WWOX: variants seen among roughly 807,000 people sequenced by gnomAD.
WWOX encodes WW domain containing oxidoreductase.
In WWOX, 69 loss-of-function variants were observed where a neutral mutation model predicts 46.2. The ratio of observed to expected loss-of-function variants is 1.49; its 90% CI spans 1.23 to 1.82. The LOEUF (loss-of-function observed/expected upper bound fraction) is 1.82, where lower values mean the gene tolerates loss of function less well. Among genes scored for constraint, WWOX ranks in the 40% most tolerant of loss-of-function variants. The pLI, the probability that WWOX is intolerant of heterozygous loss-of-function variation, is 0.00. For synonymous variants in WWOX, 359 were observed against 202.6 expected (o/e 1.77, Z -6.56); for missense variants, 919 against 542.6 (o/e 1.69, Z -6.89).
chr16:78,481,868 G>C (rs1372685505), intron 8 of WWOX, among the ~76,000 whole-genome samples: 2 of 151,920 alleles, frequency 1.3e-5, no homozygotes, highest in Non-Finnish European at 1.5e-5. Flanking sequence ...TCTTCTTGGG[G>C]CTGGAGCTTT....
chr16:78,600,371 G>A (rs973934844), intron 8 of WWOX, among the ~76,000 whole-genome samples: 5 of 152,202 alleles, frequency 3.3e-5, no homozygotes, highest in East Asian at 1.9e-4. Flanking sequence ...CCCAGATGAC[G>A]GAAACAGCCC....
At chr16:79,135,430 C>T (rs2049964544) in intron 8 of WWOX, among the ~76,000 whole-genome samples, 1 of 152,128 alleles carries the variant, frequency 6.6e-6, no homozygotes. Flanking sequence ...CCATCATTTA[C>T]TTATGTAATA....
intron 8 of WWOX, among the ~76,000 whole-genome samples, chr16:78,521,145 A>C (rs2043340179): frequency 6.6e-6 from 1 of 152,142 alleles, no homozygotes; most frequent in Admixed American, 6.5e-5. Flanking sequence ...TATATAACTT[A>C]ATTCTTCATT....
chr16:78,298,896 A>ATTAGGCCTT (rs2079990260), intron 5 of WWOX, among the ~76,000 whole-genome samples: 1 of 152,150 alleles, frequency 6.6e-6, no homozygotes, highest in African/African-American at 2.4e-5. Flanking sequence ...AGGCCTCAGT[A>ATTAGGCCTT]ACTGTTAGCT....
chr16:78,776,155 A>G (rs2050184625), intron 8 of WWOX, among the ~76,000 whole-genome samples: 1 of 152,242 alleles, frequency 6.6e-6, no homozygotes, highest in Non-Finnish European at 1.5e-5. Flanking sequence ...TTGGGCTAAA[A>G]AAATGATTCT....
chr16:78,159,799 C>T (rs1227042665), intron 4 of WWOX, among the ~76,000 whole-genome samples: 4 of 146,644 alleles, frequency 2.7e-5, no homozygotes, highest in African/African-American at 1.0e-4. Context: ...CTTTCAGTGT[C>T]TTGATTGTTT....
chr16:78,621,267 G>T (rs1428569079), intron 8 of WWOX, among the ~76,000 whole-genome samples: 1 of 152,062 alleles, frequency 6.6e-6, no homozygotes. Context: ...TATCATTCTG[G>T]TTAACTGAAC....
At chr16:78,942,730 T>C (rs1247005900) in intron 8 of WWOX, among the ~76,000 whole-genome samples, 2 of 152,114 alleles carry the variant, frequency 1.3e-5, no homozygotes, top group Admixed American at 1.3e-4. Context: ...TCGCAAGACA[T>C]AGGGGAGAAA....
At chr16:78,935,168 A>G (rs567934584) in intron 8 of WWOX, among the ~76,000 whole-genome samples, 10 of 152,342 alleles carry the variant, frequency 6.6e-5, no homozygotes, top group Admixed American at 3.3e-4. Flanking sequence ...ACTGTAAACC[A>G]GTTCAACCAT....
intron 8 of WWOX, among the ~76,000 whole-genome samples, chr16:78,870,176 T>A (rs553852116): frequency 6.6e-6 from 1 of 152,322 alleles, no homozygotes; most frequent in East Asian, 1.9e-4. Flanking sequence ...CTCCTAACCC[T>A]AAGATCCTGG....
At chr16:78,494,206 G>C (rs2084854528) in intron 8 of WWOX, among the ~76,000 whole-genome samples, 1 of 152,176 alleles carries the variant, frequency 6.6e-6, no homozygotes, top group African/African-American at 2.4e-5. Context: ...TCTTTCACAA[G>C]ACAGCACTAG....
intron 8 of WWOX, among the ~76,000 whole-genome samples, chr16:78,771,984 G>A (rs2050076020): frequency 6.6e-6 from 1 of 151,964 alleles, no homozygotes; most frequent in African/African-American, 2.4e-5. Flanking sequence ...TTTTACCAAG[G>A]GATTATTAGT....
chr16:79,161,314 T>C (rs2050482129), intron 8 of WWOX, among the ~76,000 whole-genome samples: 1 of 152,132 alleles, frequency 6.6e-6, no homozygotes, highest in African/African-American at 2.4e-5. Context: ...AGCCTCAGCT[T>C]ATCTCTAGGA....
At chr16:78,410,412 G>T (rs906632506) in intron 6 of WWOX, among the ~76,000 whole-genome samples, 1 of 152,060 alleles carries the variant, frequency 6.6e-6, no homozygotes, top group African/African-American at 2.4e-5. Context: ...GGACTTCTTT[G>T]GGGGACTTTT....
rs148830403 is a variant in WWOX at position 79,130,420 on chromosome 16, C to G, written c.1057-81188C>G. 5.1e-4 allele frequency among the ~76,000 whole-genome samples: 77 copies of G among 152,228 alleles called. No individual in the cohort carries two copies. The East Asian group carries it at 0.013, about 26-fold the overall frequency. ...ACAAAAGACAGTATGAAGTACAGCA[C>G]AGATCATGAGGAGGGTAGGGTCAGT... On this transcript the variant is annotated intron_variant, in intron 8 of 8. Coordinates refer to ENST00000566780, the MANE Select transcript of WWOX (RefSeq NM_016373.4).
intron 8 of WWOX, among the ~76,000 whole-genome samples, chr16:79,096,741 C>T (rs1282986938): frequency 6.6e-6 from 1 of 152,174 alleles, no homozygotes; most frequent in African/African-American, 2.4e-5. Flanking sequence ...GCAGGTATTT[C>T]ACCTGTTTTG....
At chr16:78,511,415 A>G (rs1765504327) in intron 8 of WWOX, among the ~76,000 whole-genome samples, 1 of 152,234 alleles carries the variant, frequency 6.6e-6, no homozygotes, top group Non-Finnish European at 1.5e-5. Flanking sequence ...AAAAGGGAAC[A>G]AGATGACATT....
At chr16:78,383,389 C>G (rs374146048) in intron 5 of WWOX, among the ~76,000 whole-genome samples, 1 of 152,066 alleles carries the variant, frequency 6.6e-6, no homozygotes, top group South Asian at 2.1e-4. Flanking sequence ...TAATTAGTTT[C>G]AAATAAAAGT....
intron 6 of WWOX, among the ~76,000 whole-genome samples, chr16:78,389,060 G>A (rs893728336): frequency 1.3e-5 from 2 of 152,114 alleles, no homozygotes; most frequent in African/African-American, 4.8e-5. Flanking sequence ...GTCTTAGTGA[G>A]AGTTGCAACA....
Sources: allele counts gnomAD v4.1 joint callset (sites outside exome capture counted in the v4.1 genomes callset), GRCh38; gene constraint gnomAD v4.1.1; transcripts MANE v1.5; gene names NCBI Gene and HGNC (gene_info 2026-07-23, HGNC 2026-07-21).